PARVA: variants seen among roughly 807,000 people sequenced by gnomAD.
PARVA encodes the protein parvin alpha.
Under a neutral mutation model 52.6 loss-of-function variants are expected in PARVA, and 25 were observed. That is an observed-to-expected ratio of 0.48 (90% confidence interval 0.35 to 0.66). The LOEUF is 0.66. Among genes scored for constraint, PARVA ranks in the 30% least tolerant of loss-of-function variants. The pLI is 0.01. For synonymous variants in PARVA, 185 were observed against 179.1 expected, an observed-to-expected ratio of 1.03 and a Z score of -0.26; for missense variants, 373 against 450.9, an observed-to-expected ratio of 0.83 and a Z score of 1.56.
intron 10 of PARVA, among the ~76,000 whole-genome samples, chr11:12,514,314 C>G (rs960593257): frequency 6.6e-6 from 1 of 152,198 alleles, no homozygotes; most frequent in Admixed American, 6.5e-5. Context: ...TTGGCCACAC[C>G]TCTCTCTCTT....
At chr11:12,432,033 A>AGC (rs1449567147) in intron 1 of PARVA, among the ~76,000 whole-genome samples, 27 of 152,380 alleles carry the variant, frequency 1.8e-4, no homozygotes, top group Admixed American at 3.3e-4. Context: ...AAAAGGGAAG[A>AGC]GCTCTGCAAA....
At chr11:12,385,568 G>A (rs1939561217) in intron 1 of PARVA, among the ~76,000 whole-genome samples, 1 of 152,184 alleles carries the variant, frequency 6.6e-6, no homozygotes, top group African/African-American at 2.4e-5. Context: ...GAATCCTGGA[G>A]GAGGTCAGCA....
chr11:12,520,151 T>A (rs58049310), intron 12 of PARVA, among the ~76,000 whole-genome samples: 5,355 of 152,350 alleles, frequency 0.035, 316 homozygotes, highest in African/African-American at 0.12. Context: ...GTGATATTTT[T>A]ATGCAATTAT....
intron 1 of PARVA, among the ~76,000 whole-genome samples, chr11:12,394,287 A>G (rs1315674417): frequency 6.6e-6 from 1 of 152,226 alleles, no homozygotes; most frequent in African/African-American, 2.4e-5. Flanking sequence ...CAAAGCCACC[A>G]GAGACACAAT....
At chr11:12,449,980 C>T (rs972151810) in intron 1 of PARVA, among the ~76,000 whole-genome samples, 9 of 152,186 alleles carry the variant, frequency 5.9e-5, no homozygotes, top group African/African-American at 2.2e-4. Flanking sequence ...AGATTCTTAC[C>T]ATGTGCCAGG....
At chr11:12,399,522 A>C (rs963586033) in intron 1 of PARVA, among the ~76,000 whole-genome samples, 2 of 152,232 alleles carry the variant, frequency 1.3e-5, no homozygotes, top group African/African-American at 2.4e-5. Flanking sequence ...AAATATTTCT[A>C]AATGTTTATT....
intron 1 of PARVA, among the ~76,000 whole-genome samples, chr11:12,393,044 G>GAAAAAAAAAAAAAATAA (rs1939683097): frequency 2.2e-5 from 1 of 46,132 alleles, no homozygotes; most frequent in African/African-American, 5.9e-5. Flanking sequence ...CCCAAATTGT[G>GAAAAAAAAAAAAAATAA]AAAAAAAAAA....
chr11:12,504,503 T>G (rs1454569676), intron 6 of PARVA, 74 bp downstream of exon 6: 1 of 857,466 alleles, frequency 1.2e-6, no homozygotes. Context: ...GTGCGTCGAG[T>G]AGGTCATTAG....
At chr11:12,492,666 A>G (rs1450366581) in intron 4 of PARVA, among the ~76,000 whole-genome samples, 2 of 152,198 alleles carry the variant, frequency 1.3e-5, no homozygotes, top group African/African-American at 4.8e-5. Context: ...ATGTCACATA[A>G]GCCTGCAAAA....
intron 10 of PARVA, among the ~76,000 whole-genome samples, chr11:12,515,914 GCAT>G (rs1941561843): frequency 6.6e-6 from 1 of 152,176 alleles, no homozygotes; most frequent in Non-Finnish European, 1.5e-5. Flanking sequence ...ACGGCTTACT[GCAT>G]CCTCAACTTC....
intron 1 of PARVA, among the ~76,000 whole-genome samples, chr11:12,463,495 T>A (rs933555133): frequency 3.3e-5 from 5 of 152,168 alleles, no homozygotes; most frequent in Admixed American, 1.3e-4. Flanking sequence ...GGAAGGAAGG[T>A]CACAGAGGTA....
rs566454880 is a variant in PARVA at position 12,525,584 on chromosome 11, C to T, written c.1043-2265C>T. Among the ~76,000 whole-genome samples, 9 of 152,110 alleles carry T rather than the reference C, an allele frequency of 5.9e-5. No homozygotes were observed. In the East Asian group the frequency reaches 1.7e-3, roughly 30 times the overall value. Reference sequence around the variant, plus strand: ...AGTAGAATTTAAGAAACACTCAACACCAAGCAGTCAGGGGAGGACAGGAAT... The same window carrying T: ...AGTAGAATTTAAGAAACACTCAACATCAAGCAGTCAGGGGAGGACAGGAAT... On this transcript the variant is annotated intron_variant, in intron 12 of 12. Transcript: ENST00000334956.
chr11:12,458,455 A>C (rs1405860127), intron 1 of PARVA, among the ~76,000 whole-genome samples: 1 of 152,230 alleles, frequency 6.6e-6, no homozygotes, highest in Non-Finnish European at 1.5e-5. Flanking sequence ...CTGTTTTTGC[A>C]TGGCATTGGC....
At chr11:12,428,861 C>T (rs558246206) in intron 1 of PARVA, among the ~76,000 whole-genome samples, 1 of 152,274 alleles carries the variant, frequency 6.6e-6, no homozygotes, top group East Asian at 1.9e-4. Flanking sequence ...ACAGGGGTAT[C>T]ATTTGCTAAG....
intron 5 of PARVA, among the ~76,000 whole-genome samples, chr11:12,500,322 C>T (rs2135063555): frequency 6.6e-6 from 1 of 152,246 alleles, no homozygotes; most frequent in South Asian, 2.1e-4. Flanking sequence ...CATATGTTCC[C>T]TCCTGACTTG....
Position 12,378,577 on chromosome 11 carries a change from T to C in PARVA, c.136+794T>C, listed in dbSNP as rs866000398. ...AGTGAATTGAGGCGACCTTATTCTT[T>C]TTTTTTTTTTTTTTTTTCAGGGTAG... On this transcript the variant is annotated intron_variant, in intron 1 of 12. Transcript: ENST00000334956. Among the ~76,000 whole-genome samples, 102 of 24,902 alleles carry C rather than the reference T, an allele frequency of 4.1e-3. 1 individual carries two copies. In the South Asian group the frequency reaches 0.17, roughly 40 times the overall value. The allele number at this position is 24,902 out of a possible 152,430, so 16.3% of individuals were successfully genotyped here.
At position 12,530,701 on chromosome 11, in the gene PARVA, A is replaced by G. The variant is rs1005658440; in HGVS notation, c.*2776A>G. 2.9e-5 allele frequency: 4 copies of G among 138,102 alleles called. No individual in the cohort carries two copies. The highest frequency in any genetic ancestry group is 7.8e-5 in the African/African-American group (3 of 38,408). The allele number at this position is 138,102 out of a possible 1,614,324, so 8.6% of individuals were successfully genotyped here. The stretch of plus-strand genomic sequence containing the variant: ...AAAAAATATAAGTAGGATGTCATCT[A>G]TACTGTCATACACTTTGTTTTTTAT... On this transcript the variant is annotated 3_prime_UTR_variant, in exon 13 of 13. Transcript: ENST00000334956.
intron 1 of PARVA, among the ~76,000 whole-genome samples, chr11:12,431,595 G>C (rs1940317601): frequency 6.6e-6 from 1 of 152,202 alleles, no homozygotes; most frequent in Non-Finnish European, 1.5e-5. Flanking sequence ...TTTTAAATGG[G>C]TTAAAGGACC....
intron 1 of PARVA, among the ~76,000 whole-genome samples, chr11:12,385,239 G>A (rs1273653516): frequency 6.6e-6 from 1 of 152,092 alleles, no homozygotes. Flanking sequence ...TGACATGGAA[G>A]GAACGCTTTA....
Sources: allele counts gnomAD v4.1 joint callset (sites outside exome capture counted in the v4.1 genomes callset), GRCh38; gene constraint gnomAD v4.1.1; transcripts MANE v1.5; gene names NCBI Gene and HGNC (gene_info 2026-07-23, HGNC 2026-07-21).